Variants in BTRC observed in about 807,000 individuals in gnomAD.
BTRC encodes the protein F-box/WD repeat-containing protein 1A.
BTRC carries 42 observed loss-of-function variants against 85.5 expected under a neutral mutation model. The ratio of observed to expected loss-of-function variants is 0.49; its 90% CI spans 0.38 to 0.64. BTRC has a LOEUF of 0.64. Ranked by LOEUF, BTRC falls within the 30% of genes least tolerant of loss-of-function variation. BTRC has a pLI of 0.00. For synonymous variants in BTRC, 255 were observed against 263.3 expected (o/e 0.97, Z 0.30); for missense variants, 594 against 743.5 (o/e 0.80, Z 2.34).
Position 101,555,640 on chromosome 10 carries a change from C to T in BTRC, c.*2517C>T, listed in dbSNP as rs775912852. On this transcript the variant is annotated 3_prime_UTR_variant, in exon 15 of 15. Coordinates refer to ENST00000370187, the MANE Select transcript of BTRC (RefSeq NM_033637.4). ...AGGTAAACCCCACTTACCATCTCTG[C>T]ATGATTTCAGTGGGAATTGATTATC... 1.5e-4 allele frequency: 23 copies of T among 152,636 alleles called. No homozygotes were observed. The highest frequency in any genetic ancestry group is 3.2e-4 in the Non-Finnish European group (22 of 68,042). 9.5% of individuals were successfully genotyped at this position (152,636 alleles called of 1,614,324 possible).
At chr10:101,455,849 A>G (rs1945061240) in intron 2 of BTRC, among the ~76,000 whole-genome samples, 1 of 152,160 alleles carries the variant, frequency 6.6e-6, no homozygotes, top group South Asian at 2.1e-4. Context: ...TTTTAGAATG[A>G]TGATTCTAAT....
At chr10:101,470,364 G>A (rs1308608239) in intron 3 of BTRC, among the ~76,000 whole-genome samples, 4 of 130,446 alleles carry the variant, frequency 3.1e-5, no homozygotes, top group South Asian at 2.4e-4. Context: ...ACGGAGTCTC[G>A]CTGTGTCGCC....
chr10:101,522,014 CTTTTTTTTTTTTTTTTTTTTTTTTT>C, intron 5 of BTRC, 144 bp downstream of exon 5: 2 of 62,972 alleles, frequency 3.2e-5, no homozygotes, highest in East Asian at 1.1e-3. Context: ...TGATATAAAG[CTTTTTTTTTTTTTTTTTTTTTTTTT>C]TTTTTTTTTT....
intron 4 of BTRC, among the ~76,000 whole-genome samples, chr10:101,498,655 A>G (rs758361080): frequency 6.6e-6 from 1 of 152,152 alleles, no homozygotes; most frequent in Non-Finnish European, 1.5e-5. Context: ...GGCACGTCCT[A>G]ATACAGCCTG....
chr10:101,482,593 C>T (rs1442395614), intron 4 of BTRC, among the ~76,000 whole-genome samples: 1 of 151,922 alleles, frequency 6.6e-6, no homozygotes, highest in Non-Finnish European at 1.5e-5. Context: ...GACGGGGTTT[C>T]ACCGCGTTGG....
chr10:101,429,633 G>A (rs1944349679), intron 1 of BTRC, among the ~76,000 whole-genome samples: 1 of 145,076 alleles, frequency 6.9e-6, no homozygotes, highest in African/African-American at 2.6e-5. Flanking sequence ...CTGTGTCCCT[G>A]TCTCTCTTTG....
intron 2 of BTRC, among the ~76,000 whole-genome samples, chr10:101,449,030 GA>G (rs1230389106): frequency 1.3e-5 from 2 of 151,028 alleles, no homozygotes; most frequent in Non-Finnish European, 1.5e-5. Context: ...TCTTAATTAG[GA>G]AAAAAAATAA....
In BTRC at chr10:101,464,553, G is replaced by A. The variant is rs978446920; in HGVS notation, c.234+2495G>A. On this transcript the variant is annotated intron_variant, in intron 3 of 14. Coordinates refer to ENST00000370187, the MANE Select transcript of BTRC (RefSeq NM_033637.4). ...AACCTTCCCCCCCACCCCCCCCATG[G>A]TGCTTTGAAATGATTTTTCTAATAT... Among the ~76,000 whole-genome samples the A allele has an allele frequency of 5.8e-4, 13 of 22,376 alleles. No individual in the cohort carries two copies. The South Asian group carries it at 8.1e-3, about 14-fold the overall frequency. The allele number at this position is 22,376 out of a possible 152,430, so 14.7% of individuals were successfully genotyped here. A position where few individuals can be genotyped will look rare whatever the true frequency, so the allele number is the denominator to read the frequency against.
At chr10:101,523,477 A>G (rs1369100045) in intron 5 of BTRC, among the ~76,000 whole-genome samples, 1 of 152,182 alleles carries the variant, frequency 6.6e-6, no homozygotes, top group Admixed American at 6.5e-5. Flanking sequence ...TTTTAAGAGA[A>G]AAAAATCATA....
rs931065942 is a variant in BTRC, at chr10:101,354,343, C to T, written c.48+115C>T. On this transcript the variant is annotated intron_variant, in intron 1 of 14. Transcript: ENST00000370187. ...CAGCGGGACCCTGGGCCGAGGCTGG[C>T]GGCGGAGCGGCTGGAGGGATGGGAT... is the stretch of plus-strand genomic sequence containing the variant. The T allele has an allele frequency of 3.3e-6, 4 of 1,195,068 alleles. No individual in the cohort carries two copies. The Admixed American group carries it at 1.3e-4, about 38-fold the overall frequency. The allele number at this position is 1,195,068 out of a possible 1,614,324, so 74.0% of individuals were successfully genotyped here.
intron 5 of BTRC, among the ~76,000 whole-genome samples, chr10:101,524,884 T>C (rs911996697): frequency 1.3e-5 from 2 of 152,204 alleles, no homozygotes; most frequent in African/African-American, 2.4e-5. Context: ...CTTTCTCAAG[T>C]CTGCTGAAAA....
chr10:101,391,279 A>G (rs1317396021), intron 1 of BTRC, among the ~76,000 whole-genome samples: 2 of 152,226 alleles, frequency 1.3e-5, no homozygotes, highest in Non-Finnish European at 2.9e-5. Flanking sequence ...AAATAAATAT[A>G]TTCAACTGGG....
At chr10:101,367,032 TTATATATATA>T (rs1942474645) in intron 1 of BTRC, among the ~76,000 whole-genome samples, 1 of 52,238 alleles carries the variant, frequency 1.9e-5, no homozygotes, top group Non-Finnish European at 4.3e-5. Context: ...ATTTATATAT[TTATATATATA>T]AATATATATA....
At chr10:101,421,484 T>C (rs1016673407) in intron 1 of BTRC, among the ~76,000 whole-genome samples, 2 of 152,180 alleles carry the variant, frequency 1.3e-5, no homozygotes, top group African/African-American at 4.8e-5. Context: ...TATTTTATTA[T>C]ACTTTAAGTT....
intron 1 of BTRC, among the ~76,000 whole-genome samples, chr10:101,381,165 T>G (rs1167692422): frequency 6.6e-6 from 1 of 152,156 alleles, no homozygotes; most frequent in Non-Finnish European, 1.5e-5. Context: ...CACTTGTAGC[T>G]CAGTATATAC....
intron 13 of BTRC, among the ~76,000 whole-genome samples, chr10:101,539,411 G>A (rs932312045): frequency 1.3e-5 from 2 of 152,160 alleles, no homozygotes; most frequent in Admixed American, 1.3e-4. Flanking sequence ...AAGAGAAAGA[G>A]GTTACATTTC....
intron 5 of BTRC, among the ~76,000 whole-genome samples, chr10:101,524,015 C>T (rs2062156464): frequency 6.6e-6 from 1 of 152,054 alleles, no homozygotes; most frequent in Non-Finnish European, 1.5e-5. Flanking sequence ...GCCAAACTAT[C>T]CCCTAATAAA....
At position 101,473,557 on chromosome 10, in the gene BTRC, G is replaced by A. The variant is rs189232876; in HGVS notation, c.235-5811G>A. ...GCAATCTCAGCTTACTGCAACCTCC[G>A]TCTCCCGGGTTCAAGCGATTCTCCT... On this transcript the variant is annotated intron_variant, in intron 3 of 14. Coordinates refer to ENST00000370187, the MANE Select transcript of BTRC (RefSeq NM_033637.4). Among the ~76,000 whole-genome samples, 73 of 135,336 alleles carry A rather than the reference G, an allele frequency of 5.4e-4. No homozygotes were observed. The Middle Eastern group carries it at 0.012, about 23-fold the overall frequency. 88.8% of individuals were successfully genotyped at this position (135,336 alleles called of 152,430 possible). A position where few individuals can be genotyped will look rare whatever the true frequency, so the allele number is the denominator to read the frequency against.
rs550797482 is a variant in BTRC, at chr10:101,429,452, G to A, written c.49-893G>A. On this transcript the variant is annotated intron_variant, in intron 1 of 14. Coordinates refer to ENST00000370187, the MANE Select transcript of BTRC (RefSeq NM_033637.4). Reference sequence around the variant, plus strand: ...GTATTTTTGTTTGTTTGTTTAGAAGGTTTTAATACCAACAGCTTTCTAGGT... The same window carrying A: ...GTATTTTTGTTTGTTTGTTTAGAAGATTTTAATACCAACAGCTTTCTAGGT... Among the ~76,000 whole-genome samples, 5 of 151,410 alleles carry A rather than the reference G, an allele frequency of 3.3e-5. No individual in the cohort carries two copies. The East Asian group carries it at 7.8e-4, about 24-fold the overall frequency.
Sources: allele counts gnomAD v4.1 joint callset (sites outside exome capture counted in the v4.1 genomes callset), GRCh38; gene constraint gnomAD v4.1.1; transcripts MANE v1.5; gene names NCBI Gene and HGNC (gene_info 2026-07-23, HGNC 2026-07-21).